Variants in ELAVL4 observed in about 807,000 individuals in gnomAD.
ELAVL4 encodes the protein ELAV-like protein 4.
ELAVL4 carries 1 observed loss-of-function variant against 35.6 expected under a neutral mutation model. The ratio of observed to expected loss-of-function variants is 0.03; its 90% CI spans 0.01 to 0.13. ELAVL4 has a LOEUF of 0.13. Ranked by LOEUF, ELAVL4 falls within the 10% of genes least tolerant of loss-of-function variation. ELAVL4 has a pLI of 1.00. For missense variants in ELAVL4, 267 were observed against 464.9 expected, an observed-to-expected ratio of 0.57 and a Z score of 3.91; for synonymous variants, 156 against 171.0, an observed-to-expected ratio of 0.91 and a Z score of 0.69.
intron 3 of ELAVL4, among the ~76,000 whole-genome samples, chr1:50,181,514 C>T (rs1681019525): frequency 6.6e-6 from 1 of 152,200 alleles, no homozygotes; most frequent in South Asian, 2.1e-4. Context: ...CATGGGCTTA[C>T]ATTCACTAGC....
chr1:50,055,388 C>T (rs535827374), intron 1 of ELAVL4, among the ~76,000 whole-genome samples: 29 of 152,238 alleles, frequency 1.9e-4, no homozygotes, highest in Non-Finnish European at 3.5e-4. Flanking sequence ...CGAGCTCCGC[C>T]TCCTGGGCTT....
chr1:50,071,878 A>G (rs1362161393), intron 1 of ELAVL4, among the ~76,000 whole-genome samples: 7 of 152,296 alleles, frequency 4.6e-5, no homozygotes, highest in African/African-American at 1.7e-4. Context: ...TTGAGAGAAC[A>G]TACGTGATAG....
intron 1 of ELAVL4, chr1:50,109,572 G>A: frequency 2.6e-6 from 1 of 385,122 alleles, no homozygotes; most frequent in East Asian, 4.7e-5. Flanking sequence ...GTTTTGTGGG[G>A]CTGGGGGTGG....
intron 2 of ELAVL4, among the ~76,000 whole-genome samples, chr1:50,150,085 G>A (rs1313620952): frequency 6.6e-6 from 1 of 152,156 alleles, no homozygotes. Flanking sequence ...AAGAACAAAA[G>A]CATTTTTTAT....
chr1:50,188,282 C>G (rs1682137192), intron 3 of ELAVL4, among the ~76,000 whole-genome samples: 1 of 152,136 alleles, frequency 6.6e-6, no homozygotes, highest in African/African-American at 2.4e-5. Context: ...GCTGAGTTCC[C>G]CATTGCCACT....
At chr1:50,133,465 G>T (rs1016641142) in intron 1 of ELAVL4, among the ~76,000 whole-genome samples, 1 of 151,986 alleles carries the variant, frequency 6.6e-6, no homozygotes, top group African/African-American at 2.4e-5. Flanking sequence ...GAATGTTTAG[G>T]GGCAATGGTA....
chr1:50,080,262 C>T (rs1664947977), intron 1 of ELAVL4, among the ~76,000 whole-genome samples: 1 of 152,146 alleles, frequency 6.6e-6, no homozygotes, highest in Non-Finnish European at 1.5e-5. Context: ...TTGTAAGGCT[C>T]AGACGTCAGA....
intron 4 of ELAVL4, among the ~76,000 whole-genome samples, chr1:50,194,801 G>C (rs1462975711): frequency 6.6e-6 from 1 of 152,186 alleles, no homozygotes; most frequent in Non-Finnish European, 1.5e-5. Context: ...GGCAATGTTT[G>C]AATAGGAGTT....
chr1:50,089,733 C>T (rs1298996248), intron 1 of ELAVL4, among the ~76,000 whole-genome samples: 2 of 152,078 alleles, frequency 1.3e-5, no homozygotes, highest in African/African-American at 2.4e-5. Flanking sequence ...CCAGCCTGGG[C>T]GACAGAGTGA....
intron 1 of ELAVL4, among the ~76,000 whole-genome samples, chr1:50,137,323 A>G (rs1672047737): frequency 6.6e-6 from 1 of 152,110 alleles, no homozygotes; most frequent in Non-Finnish European, 1.5e-5. Flanking sequence ...CAATCCTGTA[A>G]CTCTAGCCTG....
chr1:50,120,468 T>C (rs1309701387), intron 1 of ELAVL4, among the ~76,000 whole-genome samples: 1 of 152,096 alleles, frequency 6.6e-6, no homozygotes, highest in Non-Finnish European at 1.5e-5. Flanking sequence ...GTAAAAGCTA[T>C]GATTTAGGAA....
At chr1:50,127,041 C>A (rs113512720) in intron 1 of ELAVL4, among the ~76,000 whole-genome samples, 1 of 151,810 alleles carries the variant, frequency 6.6e-6, no homozygotes, top group Non-Finnish European at 1.5e-5. Context: ...AGTAAGAGAA[C>A]GCTTAAAAAA....
intron 3 of ELAVL4, among the ~76,000 whole-genome samples, chr1:50,187,700 A>G (rs1682040756): frequency 6.6e-6 from 1 of 152,234 alleles, no homozygotes; most frequent in South Asian, 2.1e-4. Flanking sequence ...AGGGGTGGTA[A>G]GGACAGAAAA....
chr1:50,088,703 A>G (rs1665356986), intron 1 of ELAVL4, among the ~76,000 whole-genome samples: 1 of 152,196 alleles, frequency 6.6e-6, no homozygotes, highest in South Asian at 2.1e-4. Context: ...CTTCTATAGC[A>G]TTAACCACCA....
intron 1 of ELAVL4, among the ~76,000 whole-genome samples, chr1:50,085,332 GAGA>G (rs1363517787): frequency 6.6e-6 from 1 of 152,172 alleles, no homozygotes. Flanking sequence ...AGGTCACACA[GAGA>G]ATGTAATACA....
chr1:50,114,377 A>G (rs896727975), intron 1 of ELAVL4, among the ~76,000 whole-genome samples: 2 of 152,020 alleles, frequency 1.3e-5, no homozygotes, highest in African/African-American at 4.8e-5. Flanking sequence ...GTGTGTGTGT[A>G]TTAGGAACAT....
intron 3 of ELAVL4, among the ~76,000 whole-genome samples, chr1:50,190,079 G>A (rs762876567): frequency 2.0e-4 from 31 of 152,206 alleles, no homozygotes; most frequent in Admixed American, 1.5e-3. Flanking sequence ...AGAGAGAGGA[G>A]TGGCTTCTTC....
chr1:50,097,093 G>A (rs902486773), intron 1 of ELAVL4, among the ~76,000 whole-genome samples: 2 of 152,078 alleles, frequency 1.3e-5, no homozygotes, highest in Non-Finnish European at 2.9e-5. Context: ...TGGGGAAAAG[G>A]CCTGTAGTCC....
chr1:50,114,267 T>C (rs771071315), intron 1 of ELAVL4, among the ~76,000 whole-genome samples: 156 of 152,098 alleles, frequency 1.0e-3, no homozygotes, highest in Non-Finnish European at 2.0e-3. Context: ...ATGTTTTTCT[T>C]TGAGGGCATT....
Sources: allele counts gnomAD v4.1 joint callset (sites outside exome capture counted in the v4.1 genomes callset), GRCh38; gene constraint gnomAD v4.1.1; transcripts MANE v1.5; gene names NCBI Gene and HGNC (gene_info 2026-07-23, HGNC 2026-07-21).